HARS2: variants seen among roughly 807,000 people sequenced by gnomAD.
HARS2 encodes histidine--tRNA ligase, mitochondrial.
HARS2 carries 40 observed loss-of-function variants against 62.4 expected under a neutral mutation model. That is an observed-to-expected ratio of 0.64 (90% CI 0.50 to 0.83). The LOEUF (loss-of-function observed/expected upper bound fraction) is 0.83, where lower values mean the gene tolerates loss of function less well. HARS2 is among the 40% of genes least tolerant of loss of function. The pLI is 0.00. For missense variants in HARS2, 569 were observed against 626.4 expected (o/e 0.91, Z 0.98); for synonymous variants, 228 against 227.0 (o/e 1.00, Z -0.04).
chr5:140,693,785 C>T lies in HARS2; in HGVS notation c.183+120C>T, dbSNP rs183149437. The T allele has an allele frequency of 2.2e-4, 262 of 1,203,040 alleles. No homozygotes were observed. The African/African-American group carries it at 3.2e-3, about 15-fold the overall frequency. The allele number at this position is 1,203,040 out of a possible 1,614,324, so 74.5% of individuals were successfully genotyped here. On this transcript the variant is annotated intron_variant, in intron 2 of 12. Transcript: ENST00000230771. The stretch of plus-strand genomic sequence containing the variant: ...GTAAATTTTAAAAATATATACTATT[C>T]TTGAGATACTAGGTGCGGCTCAGAG...
rs763313518 is a variant in HARS2, at chr5:140,697,250, G to C, written c.1041G>C (p.Gln347His). The C allele has an allele frequency of 4.3e-6, 7 of 1,614,196 alleles. No homozygotes were observed. The highest frequency in any genetic ancestry group is 5.1e-6 in the Non-Finnish European group (6 of 1,180,042). Residue 347 changes from glutamine (Q) to histidine (H), a missense_variant, in exon 10 of 13, where the codon CAG (glutamine) becomes CAC (histidine). Transcript: ENST00000230771. The part of the protein sequence containing the change: ...YEAVLLQTPT[Q>H]AGEEPLNVGS... ...CAGTGCTGCTGCAGACCCCAACTCA[G>C]GCTGGGGAGGAGCCCCTGAATGTGG...
chr5:140,696,627 G>T lies in HARS2; in HGVS notation c.826+13G>T. The T allele has an allele frequency of 6.4e-7, 1 of 1,563,366 alleles. No homozygotes were observed. The highest frequency in any genetic ancestry group is 8.8e-7 in the Non-Finnish European group (1 of 1,133,602). ...GTCCAGTGTCATGGTAAGAACCAGG[G>T]TTTTCAGAGCTGTGATAGAACCAGG... On this transcript the variant is annotated intron_variant, in intron 8 of 12. Coordinates refer to ENST00000230771, the MANE Select transcript of HARS2 (RefSeq NM_012208.4).
chr5:140,696,873 T>C, intron 8 of HARS2, 70 bp from the exon 9 acceptor site: 1 of 1,197,220 alleles, frequency 8.4e-7, no homozygotes, highest in Non-Finnish European at 1.2e-6. Context: ...GAAGACTAGC[T>C]AGAGCACATT....
chr5:140,696,226 A>C (rs1481888850), intron 7 of HARS2, 25 bp downstream of exon 7: 1 of 1,451,378 alleles, frequency 6.9e-7, no homozygotes, highest in Non-Finnish European at 9.7e-7. Flanking sequence ...ATACTTCAGT[A>C]GACCCTATCT....
rs1759716234 is a variant in HARS2 at position 140,695,734 on chromosome 5, G to A, written c.526-4G>A. 1 of 1,613,636 alleles carries A rather than the reference G, an allele frequency of 6.2e-7. No individual in the cohort carries two copies. The highest frequency in any genetic ancestry group is 8.5e-7 in the Non-Finnish European group (1 of 1,179,532). ...GTTTTTTCCCATCTTTTTCTTTGCT[G>A]TAGGATTTTGACATTGCTGGTCAGT... On this transcript the variant is annotated splice_region_variant and splice_polypyrimidine_tract_variant and intron_variant, in intron 5 of 12. Coordinates refer to ENST00000230771, the MANE Select transcript of HARS2 (RefSeq NM_012208.4).
chr5:140,693,871 C>T (rs1184828170), intron 2 of HARS2, 64 bp from the exon 3 acceptor site: 8 of 1,591,372 alleles, frequency 5.0e-6, no homozygotes, highest in East Asian at 2.2e-5. Flanking sequence ...TGTAGTTTAA[C>T]TCCTTGTCTG....
At chr5:140,692,112 T>G (rs759707145) in intron 1 of HARS2, 5 of 268,126 alleles carry the variant, frequency 1.9e-5, no homozygotes, top group Non-Finnish European at 3.6e-5. Context: ...ATATTCCTAG[T>G]AAATGAGATG....
At position 140,697,347 on chromosome 5, in the gene HARS2, T is replaced by C; in HGVS notation, c.1138T>C (p.Cys380Arg). The C allele has an allele frequency of 6.2e-7, 1 of 1,614,082 alleles. No individual in the cohort carries two copies. Among genetic ancestry groups the C allele is most frequent in the Non-Finnish European group, 8.5e-7 (1 of 1,180,014 alleles). Residue 380 changes from cysteine to arginine, a missense_variant, in exon 10 of 13, where the codon TGT becomes CGT. Transcript: ENST00000230771. ...TGACCCCAAGGGCCACAAGGTGCCATGTGTGGGACTCAGCATTGGGGTTGA... is the reference window on the plus strand; with the variant it reads ...TGACCCCAAGGGCCACAAGGTGCCACGTGTGGGACTCAGCATTGGGGTTGA... Reference protein sequence around the residue: ...MFDPKGHKVPCVGLSIGVERI... With the variant: ...MFDPKGHKVPRVGLSIGVERI...
chr5:140,696,600 A>G lies in HARS2; in HGVS notation c.812A>G (p.Tyr271Cys), dbSNP rs766192073. 3 of 1,608,754 alleles carry G rather than the reference A, an allele frequency of 1.9e-6. No homozygotes were observed. Among genetic ancestry groups the G allele is most frequent in the East Asian group, 2.2e-5 (1 of 44,872 alleles). ...APEVADRIGD[Y>C]VQCHGGVSLV... ...GAGGTGGCTGATCGAATTGGGGACT[A>G]TGTCCAGTGTCATGGTAAGAACCAG... The change falls in exon 8 of 13, where the codon TAT (tyrosine) becomes TGT (cysteine). Residue 271 changes from tyrosine (Y) to cysteine (C), a missense_variant. Physicochemically the swap from Tyr to Cys is radical, Grantham distance 194. Transcript: ENST00000230771.
chr5:140,693,774 T>G (rs969713854), intron 2 of HARS2, 109 bp downstream of exon 2: 2 of 1,233,212 alleles, frequency 1.6e-6, no homozygotes, highest in African/African-American at 3.0e-5. Context: ...ATTTTAAAAA[T>G]ATATACTATT....
chr5:140,693,182 A>G (rs1581540677), intron 1 of HARS2, among the ~76,000 whole-genome samples: 1 of 151,736 alleles, frequency 6.6e-6, no homozygotes. Context: ...AAATACAAAA[A>G]TTAGCTGGGC....
In HARS2 at chr5:140,691,747, C is replaced by T. The variant is rs1759493593; in HGVS notation, c.99C>T (p.Cys33=). Residue 33 remains cysteine (C), a synonymous_variant, in exon 1 of 13, where the codon TGC becomes TGT. Transcript: ENST00000230771. The part of the protein sequence containing the change: ...PCASCTGAVR[C]QSQVAEAVLT... ...CTTCGTGCACCGGGGCGGTCCGTTG[C>T]CAAAGCCAGGTGAGCGAGACAGAAT... 6.5e-7 allele frequency: 1 copy of T among 1,549,780 alleles called. No individual in the cohort carries two copies. Among genetic ancestry groups the T allele is most frequent in the African/African-American group, 1.4e-5 (1 of 73,110 alleles).
chr5:140,696,292 C>G, intron 7 of HARS2, 91 bp downstream of exon 7: 1 of 1,024,688 alleles, frequency 9.8e-7, no homozygotes, highest in Non-Finnish European at 1.5e-6. Context: ...GAGATTGTGG[C>G]TGGAAGTGGG....
intron 6 of HARS2, 61 bp downstream of exon 6, chr5:140,695,906 A>G (rs1173525009): frequency 7.7e-7 from 1 of 1,297,538 alleles, no homozygotes. Context: ...TGTTTATGCA[A>G]GTCCCAAACT....
intron 4 of HARS2, 68 bp downstream of exon 4, chr5:140,694,348 T>A: frequency 9.4e-7 from 1 of 1,064,792 alleles, no homozygotes; most frequent in Non-Finnish European, 1.5e-6. Context: ...CTGACAAAAG[T>A]GGAGAACGTG....
chr5:140,691,770 AAT>A lies in HARS2; in HGVS notation c.108+15_108+16del. 2.6e-6 allele frequency: 4 copies of A among 1,516,916 alleles called. No individual in the cohort carries two copies. Among genetic ancestry groups the A allele is most frequent in the Non-Finnish European group, 3.6e-6 (4 of 1,115,882 alleles). The allele number at this position is 1,516,916 out of a possible 1,614,324, so 94.0% of individuals were successfully genotyped here. A position where few individuals can be genotyped will look rare whatever the true frequency, so the allele number is the denominator to read the frequency against. ...TGCCAAAGCCAGGTGAGCGAGACAG[AAT>A]TATCTCTGGTCTGTCCCAGCAGGGT... On this transcript the variant is annotated intron_variant, in intron 1 of 12. Transcript: ENST00000230771.
At chr5:140,696,235 C>T (rs1465931148) in intron 7 of HARS2, 34 bp downstream of exon 7, 1 of 1,387,560 alleles carries the variant, frequency 7.2e-7, no homozygotes, top group East Asian at 2.3e-5. Flanking sequence ...TAGACCCTAT[C>T]TAGCTTCTGC....
chr5:140,695,595 A>G lies in HARS2; in HGVS notation c.487A>G (p.Thr163Ala). 1.2e-6 allele frequency: 2 copies of G among 1,614,214 alleles called. No homozygotes were observed. The highest frequency in any genetic ancestry group is 1.1e-5 in the South Asian group (1 of 91,084). Residue 163 changes from threonine (T) to alanine (A), a missense_variant, in exon 5 of 13, where the codon ACC (threonine) becomes GCC (alanine). Thr to Ala is a moderately conservative substitution (Grantham distance 58). Transcript: ENST00000230771. ...VGKVWRRESP[T>A]IVQGRYREFC... ...AAAGGTGTGGCGGCGAGAGAGCCCA[A>G]CCATAGTCCAAGGCCGTTATAGGGA... is the stretch of plus-strand genomic sequence containing the variant.
chr5:140,695,902 T>C, intron 6 of HARS2, 57 bp downstream of exon 6: 1 of 1,321,594 alleles, frequency 7.6e-7, no homozygotes. Context: ...ATACTGTTTA[T>C]GCAAGTCCCA....
Sources: gnomAD v4.1 joint callset for allele counts (sites outside exome capture counted in the v4.1 genomes callset) on GRCh38, gnomAD v4.1.1 for gene constraint, MANE v1.5 for transcripts, NCBI Gene and HGNC (gene_info 2026-07-23, HGNC 2026-07-21) for gene names.